Variants in SNU13 observed in about 807,000 individuals in gnomAD.
SNU13 encodes small nuclear ribonucleoprotein 13.
In SNU13, 2 loss-of-function variants were observed where a neutral mutation model predicts 12.4. The ratio of observed to expected loss-of-function variants is 0.16; its 90% CI spans 0.07 to 0.51. The LOEUF (loss-of-function observed/expected upper bound fraction) is 0.51, where lower values mean the gene tolerates loss of function less well. SNU13 is among the 20% of genes least tolerant of loss of function. SNU13 has a pLI of 0.96. For missense variants in SNU13, 66 were observed against 157.8 expected (o/e 0.42, Z 3.12); for synonymous variants, 68 against 66.5 (o/e 1.02, Z -0.11).
intron 1 of SNU13, among the ~76,000 whole-genome samples, chr22:41,681,755 GT>G (rs1478221172): frequency 2.6e-5 from 4 of 152,194 alleles, no homozygotes; most frequent in African/African-American, 9.7e-5. Context: ...TCTCACGCCT[GT>G]AGTCCTAGCT....
chr22:41,676,661 G>C (rs2068217173), intron 2 of SNU13, among the ~76,000 whole-genome samples: 1 of 152,070 alleles, frequency 6.6e-6, no homozygotes, highest in Admixed American at 6.6e-5. Context: ...TCATTTGGTG[G>C]CAGCTGAAAT....
At chr22:41,689,775 C>T (rs1179458319), upstream of SNU13, among the ~76,000 whole-genome samples, 2 of 150,992 alleles carry the variant, frequency 1.3e-5, no homozygotes, top group African/African-American at 4.9e-5. Context: ...GTTGGGAGTT[C>T]GATACCAGCC....
intron 2 of SNU13, among the ~76,000 whole-genome samples, chr22:41,678,825 C>T (rs2068236636): frequency 6.6e-6 from 1 of 152,220 alleles, no homozygotes; most frequent in African/African-American, 2.4e-5. Context: ...TATCTTCCTT[C>T]AGCAACACAG....
intron 1 of SNU13, among the ~76,000 whole-genome samples, chr22:41,681,756 T>A (rs944227469): frequency 6.6e-6 from 1 of 152,202 alleles, no homozygotes; most frequent in South Asian, 2.1e-4. Context: ...CTCACGCCTG[T>A]AGTCCTAGCT....
chr22:41,682,384 C>T (rs538507285), intron 1 of SNU13: 14 of 1,613,962 alleles, frequency 8.7e-6, no homozygotes, highest in Non-Finnish European at 1.1e-5. Flanking sequence ...AGTCTCTTGC[C>T]GGACACCGCG....
chr22:41,674,695 C>G lies in SNU13; in HGVS notation c.*238G>C. On this transcript the variant is annotated 3_prime_UTR_variant, in exon 3 of 3. Coordinates refer to ENST00000401959, the MANE Select transcript of SNU13 (RefSeq NM_001003796.2). ...CCACCCTGCTTCTGTCTGCTCTGAA[C>G]ACTTGTTCCAAAAAGGGAGGATAAA... 3.7e-6 allele frequency: 2 copies of G among 538,646 alleles called. No homozygotes were observed. Among genetic ancestry groups the G allele is most frequent in the Non-Finnish European group, 6.5e-6 (2 of 308,574 alleles). 33.4% of individuals were successfully genotyped at this position (538,646 alleles called of 1,614,324 possible).
chr22:41,680,184 G>A (rs1388682054), intron 2 of SNU13, 60 bp downstream of exon 2: 1 of 1,523,654 alleles, frequency 6.6e-7, no homozygotes, highest in Middle Eastern at 2.1e-4. Context: ...TCAGATCAGA[G>A]GCCCCAGATG....
At chr22:41,687,297 A>G (rs1185763196) in intron 1 of SNU13, among the ~76,000 whole-genome samples, 1 of 152,196 alleles carries the variant, frequency 6.6e-6, no homozygotes, top group East Asian at 1.9e-4. Flanking sequence ...GAAATATTAC[A>G]TGGAACCCCC....
At position 41,680,378 on chromosome 22, in the gene SNU13, A is replaced by G; in HGVS notation, c.4-14T>C. The G allele has an allele frequency of 2.5e-6, 4 of 1,594,828 alleles. No individual in the cohort carries two copies. Among genetic ancestry groups the G allele is most frequent in the Non-Finnish European group, 3.4e-6 (4 of 1,170,808 alleles). On this transcript the variant is annotated splice_polypyrimidine_tract_variant and intron_variant, in intron 1 of 2. Coordinates refer to ENST00000401959, the MANE Select transcript of SNU13 (RefSeq NM_001003796.2). The stretch of plus-strand genomic sequence containing the variant: ...ATCAGCCTCAGTCTATGGGGGGGAC[A>G]TAAAAATATCAGACAAATTGAGCCA...
chr22:41,688,031 C>T (rs574852228), intron 1 of SNU13: 1 of 152,330 alleles, frequency 6.6e-6, no homozygotes, highest in South Asian at 2.1e-4. Context: ...TTTACAAATT[C>T]TTCCCTCCTC....
intron 1 of SNU13, among the ~76,000 whole-genome samples, chr22:41,682,134 G>A (rs1416777955): frequency 1.3e-5 from 2 of 152,066 alleles, no homozygotes; most frequent in Non-Finnish European, 2.9e-5. Flanking sequence ...CCTCGGCCTT[G>A]GAGGCTGGAC....
intron 2 of SNU13, among the ~76,000 whole-genome samples, chr22:41,677,255 T>A (rs903122848): frequency 6.6e-5 from 10 of 152,220 alleles, no homozygotes; most frequent in Admixed American, 1.3e-4. Context: ...CTGGGCATGG[T>A]GGCTCACACC....
Position 41,674,565 on chromosome 22 carries a change from C to T in SNU13, c.*368G>A. ...CACAATGAATGCTGTTTAATTCCAC[C>T]ACACCCCGCACACAACAGGAAGCTA... On this transcript the variant is annotated 3_prime_UTR_variant, in exon 3 of 3. Coordinates refer to ENST00000401959, the MANE Select transcript of SNU13 (RefSeq NM_001003796.2). 1 of 232,580 alleles carries T rather than the reference C, an allele frequency of 4.3e-6. No individual in the cohort carries two copies. The allele number at this position is 232,580 out of a possible 1,614,324, so 14.4% of individuals were successfully genotyped here. A position where few individuals can be genotyped will look rare whatever the true frequency, so the allele number is the denominator to read the frequency against.
At chr22:41,682,488 C>T (rs1346639868) in intron 1 of SNU13, 4 of 1,576,382 alleles carry the variant, frequency 2.5e-6, no homozygotes, top group Middle Eastern at 1.7e-4. Flanking sequence ...ACGCCACTGC[C>T]GCCAGCGGAA....
At chr22:41,680,836 A>G (rs1028532177) in intron 1 of SNU13, among the ~76,000 whole-genome samples, 4 of 152,296 alleles carry the variant, frequency 2.6e-5, no homozygotes, top group Non-Finnish European at 5.9e-5. Flanking sequence ...CTGGGACTAT[A>G]AGCGTGCACC....
At chr22:41,680,387 T>C (rs2068252528) in intron 1 of SNU13, 23 bp from the exon 2 acceptor site, 2 of 1,592,886 alleles carry the variant, frequency 1.3e-6, no homozygotes, top group Non-Finnish European at 8.6e-7. Flanking sequence ...CATAAAAATA[T>C]CAGACAAATT....
At chr22:41,685,357 ATTTT>A (rs1008889784) in intron 1 of SNU13, among the ~76,000 whole-genome samples, 2 of 151,268 alleles carry the variant, frequency 1.3e-5, no homozygotes, top group African/African-American at 4.9e-5. Context: ...ATTTTATTTT[ATTTT>A]TTATTTTTTG....
chr22:41,689,145 T>G (rs907687928), upstream of SNU13: 1 of 1,010,056 alleles, frequency 9.9e-7, no homozygotes, highest in Non-Finnish European at 1.2e-6. Flanking sequence ...GCGCATCACC[T>G]GAGGACAGGA....
At chr22:41,689,405 C>T (rs1479631419), upstream of SNU13, 1 of 149,072 alleles carries the variant, frequency 6.7e-6, no homozygotes, top group Non-Finnish European at 1.5e-5. Context: ...TGCGGTGGCT[C>T]CCGCCTGTAA....
Sources: gnomAD v4.1 joint callset for allele counts (sites outside exome capture counted in the v4.1 genomes callset) on GRCh38, gnomAD v4.1.1 for gene constraint, MANE v1.5 for transcripts, NCBI Gene and HGNC (gene_info 2026-07-23, HGNC 2026-07-21) for gene names.